Variants in PCBD2 observed in about 807,000 individuals in gnomAD.
PCBD2 encodes pterin-4 alpha-carbinolamine dehydratase 2, also known as pterin-4-alpha-carbinolamine dehydratase 2.
In PCBD2, 12 loss-of-function variants were observed where a neutral mutation model predicts 16.4. That is an observed-to-expected ratio of 0.73 (90% CI 0.47 to 1.19). PCBD2 has a LOEUF of 1.19. Ranked by LOEUF, PCBD2 falls within the 50% of genes most tolerant of loss-of-function variation. The probability of loss-of-function intolerance (pLI) is 0.00; values close to 1 mark genes in which losing one functional copy is unlikely to be tolerated. For synonymous variants in PCBD2, 58 were observed against 61.8 expected, an observed-to-expected ratio of 0.94 and a Z score of 0.29; for missense variants, 138 against 156.8, an observed-to-expected ratio of 0.88 and a Z score of 0.64.
intron 2 of PCBD2, among the ~76,000 whole-genome samples, chr5:134,921,215 C>T (rs940028256): frequency 2.0e-5 from 3 of 152,244 alleles, no homozygotes; most frequent in Admixed American, 6.5e-5. Context: ...GGTTTCGTTT[C>T]TGCCCAGAAG....
intron 2 of PCBD2, among the ~76,000 whole-genome samples, chr5:134,931,239 G>A (rs1186503402): frequency 6.6e-6 from 1 of 152,044 alleles, no homozygotes; most frequent in East Asian, 1.9e-4. Flanking sequence ...TTGGTGGTGT[G>A]CTATAAAGAA....
chr5:134,913,424 C>G (rs1750792829), intron 2 of PCBD2, among the ~76,000 whole-genome samples: 1 of 152,154 alleles, frequency 6.6e-6, no homozygotes, highest in Non-Finnish European at 1.5e-5. Context: ...TGGAGAACAG[C>G]AAGCACAGAG....
chr5:134,940,506 A>G (rs1015998498), intron 2 of PCBD2, among the ~76,000 whole-genome samples: 2 of 152,158 alleles, frequency 1.3e-5, no homozygotes, highest in African/African-American at 2.4e-5. Flanking sequence ...TGTATCTCAG[A>G]ACACCAGGGT....
intron 2 of PCBD2, among the ~76,000 whole-genome samples, chr5:134,955,094 G>C (rs937786693): frequency 6.6e-6 from 1 of 151,326 alleles, no homozygotes; most frequent in African/African-American, 2.4e-5. Context: ...GATGCCAAAA[G>C]GATTTTTTAA....
chr5:134,950,083 G>C (rs1486873106), intron 2 of PCBD2, among the ~76,000 whole-genome samples: 1 of 152,158 alleles, frequency 6.6e-6, no homozygotes. Context: ...TTTGTAATCA[G>C]ACATAAATAT....
At chr5:134,926,505 A>G (rs1750999148) in intron 2 of PCBD2, 2 of 394,986 alleles carry the variant, frequency 5.1e-6, no homozygotes, top group Non-Finnish European at 8.9e-6. Flanking sequence ...CCTAAGACCA[A>G]CGGATGGCTG....
chr5:134,947,389 ATTTT>A, intron 2 of PCBD2, among the ~76,000 whole-genome samples: 1 of 103,064 alleles, frequency 9.7e-6, no homozygotes. Flanking sequence ...CCCGGCCTCA[ATTTT>A]TTTTTTTTTT....
At chr5:134,940,254 G>A (rs1751209633) in intron 2 of PCBD2, among the ~76,000 whole-genome samples, 1 of 152,164 alleles carries the variant, frequency 6.6e-6, no homozygotes, top group Non-Finnish European at 1.5e-5. Flanking sequence ...TCTAACAATT[G>A]TAAGGCATGA....
intron 2 of PCBD2, among the ~76,000 whole-genome samples, chr5:134,955,426 A>C (rs546718554): frequency 6.7e-6 from 1 of 149,276 alleles, no homozygotes. Context: ...TCCTGCCTCA[A>C]CCTCCCGAGT....
At chr5:134,922,012 C>G (rs889709495) in intron 2 of PCBD2, among the ~76,000 whole-genome samples, 7 of 152,204 alleles carry the variant, frequency 4.6e-5, no homozygotes, top group Non-Finnish European at 1.0e-4. Context: ...TCGCATTACT[C>G]TGCAAGAAGC....
At chr5:134,911,782 G>A (rs1750771621) in intron 2 of PCBD2, among the ~76,000 whole-genome samples, 1 of 152,300 alleles carries the variant, frequency 6.6e-6, no homozygotes, top group African/African-American at 2.4e-5. Flanking sequence ...CAACTCCTAA[G>A]GAAACCTGGA....
chr5:134,916,840 G>A (rs1026979532), intron 2 of PCBD2, among the ~76,000 whole-genome samples: 16 of 152,252 alleles, frequency 1.1e-4, no homozygotes, highest in African/African-American at 1.4e-4. Flanking sequence ...TCTGCAGTGC[G>A]TCAATGGACA....
intron 2 of PCBD2, among the ~76,000 whole-genome samples, chr5:134,918,550 G>A (rs1335152583): frequency 6.6e-6 from 1 of 152,190 alleles, no homozygotes; most frequent in East Asian, 1.9e-4. Context: ...TGATTTGAAA[G>A]TATAAGCTAG....
chr5:134,925,397 C>G lies in PCBD2; in HGVS notation c.216+14931C>G, dbSNP rs1750975599. The G allele has an allele frequency of 6.5e-5, 26 of 398,304 alleles. No individual in the cohort carries two copies. In the East Asian group the frequency reaches 9.3e-4, roughly 14 times the overall value. The allele number at this position is 398,304 out of a possible 1,614,324, so 24.7% of individuals were successfully genotyped here. On this transcript the variant is annotated intron_variant, in intron 2 of 3. Transcript: ENST00000254908. Reference sequence around the variant, plus strand: ...AGTAGTCCTCCTATTTTTCGAATATCTTGTTCATTGTTGAGGTTGTGGATG... The same window carrying G: ...AGTAGTCCTCCTATTTTTCGAATATGTTGTTCATTGTTGAGGTTGTGGATG...
intron 2 of PCBD2, among the ~76,000 whole-genome samples, chr5:134,928,759 C>T (rs140663481): frequency 1.0e-3 from 155 of 152,222 alleles, no homozygotes; most frequent in African/African-American, 3.6e-3. Flanking sequence ...GGTGTAAACC[C>T]GGGAGGCAGA....
intron 2 of PCBD2, among the ~76,000 whole-genome samples, chr5:134,952,140 A>T (rs1751365385): frequency 6.7e-6 from 1 of 148,442 alleles, no homozygotes; most frequent in Non-Finnish European, 1.5e-5. Context: ...TATTGTTTGT[A>T]TGAGAAGCTG....
chr5:134,926,846 T>G, intron 2 of PCBD2: 2 of 398,316 alleles, frequency 5.0e-6, no homozygotes, highest in Non-Finnish European at 8.9e-6. Flanking sequence ...GTATGTTGAG[T>G]CCTGTAAGTA....
chr5:134,943,426 T>C (rs894168579), intron 2 of PCBD2, among the ~76,000 whole-genome samples: 2 of 152,208 alleles, frequency 1.3e-5, no homozygotes, highest in African/African-American at 4.8e-5. Flanking sequence ...TAAGGAAAAG[T>C]CACTGTTGAT....
At chr5:134,914,311 G>C (rs545573001) in intron 2 of PCBD2, among the ~76,000 whole-genome samples, 2 of 152,010 alleles carry the variant, frequency 1.3e-5, no homozygotes, top group Non-Finnish European at 2.9e-5. Context: ...GAGACCTGGG[G>C]AGATAAGAGA....
Sources: gnomAD v4.1 joint callset for allele counts (sites outside exome capture counted in the v4.1 genomes callset) on GRCh38, gnomAD v4.1.1 for gene constraint, MANE v1.5 for transcripts, NCBI Gene and HGNC (gene_info 2026-07-23, HGNC 2026-07-21) for gene names.